TCEA3: variants seen among roughly 807,000 people sequenced by gnomAD.
TCEA3 encodes transcription elongation factor A protein 3.
A neutral mutation model predicts 44.0 loss-of-function variants in TCEA3; 36 were observed. The observed-to-expected ratio is 0.82, with a 90% CI of 0.63 to 1.08. TCEA3 has a LOEUF of 1.08. TCEA3 is among the 50% of genes least tolerant of loss of function. The pLI, the probability that TCEA3 is intolerant of heterozygous loss-of-function variation, is 0.00. For missense variants in TCEA3, 392 were observed against 441.2 expected, an observed-to-expected ratio of 0.89 and a Z score of 1.00; for synonymous variants, 162 against 159.7, an observed-to-expected ratio of 1.01 and a Z score of -0.11.
chr1:23,383,343 C>T (rs931644260), intron 10 of TCEA3: 37 of 868,006 alleles, frequency 4.3e-5, no homozygotes, highest in Non-Finnish European at 5.1e-5. Flanking sequence ...TTTCAGTGCT[C>T]CAAACTGTGG....
intron 7 of TCEA3, among the ~76,000 whole-genome samples, chr1:23,395,049 C>A (rs1639175038): frequency 6.6e-6 from 1 of 152,156 alleles, no homozygotes; most frequent in African/African-American, 2.4e-5. Flanking sequence ...AAAGAGACTG[C>A]GGAGAATGTG....
chr1:23,393,546 C>T (rs775219929), intron 8 of TCEA3, among the ~76,000 whole-genome samples: 5 of 152,152 alleles, frequency 3.3e-5, no homozygotes, highest in African/African-American at 9.7e-5. Context: ...CTCCTGGCTC[C>T]GACTCTTTCT....
At chr1:23,385,850 G>A (rs1638820376) in intron 9 of TCEA3, among the ~76,000 whole-genome samples, 1 of 152,202 alleles carries the variant, frequency 6.6e-6, no homozygotes, top group South Asian at 2.1e-4. Flanking sequence ...TAGCTGGATT[G>A]CAGGCAGAAT....
intron 5 of TCEA3, among the ~76,000 whole-genome samples, chr1:23,399,136 GTATATATGTATATATATATATATATATA>G (rs975783637): frequency 5.1e-5 from 3 of 58,688 alleles, no homozygotes; most frequent in Non-Finnish European, 1.5e-4. Context: ...TTATATATAT[GTATATATGTATATATATATATATATATA>G]TATATATATA....
chr1:23,409,701 A>G (rs756259733), intron 4 of TCEA3, among the ~76,000 whole-genome samples: 7 of 151,828 alleles, frequency 4.6e-5, no homozygotes, highest in Non-Finnish European at 8.8e-5. Context: ...GGCGTGTGCC[A>G]CCATGCCTAG....
At chr1:23,397,022 A>G (rs1168713471) in intron 7 of TCEA3, among the ~76,000 whole-genome samples, 3 of 151,912 alleles carry the variant, frequency 2.0e-5, no homozygotes, top group African/African-American at 7.3e-5. Flanking sequence ...AAAAAAAAAA[A>G]AAAAAGGGCG....
At chr1:23,388,603 T>C (rs1408031249) in intron 8 of TCEA3, among the ~76,000 whole-genome samples, 1 of 152,166 alleles carries the variant, frequency 6.6e-6, no homozygotes, top group Non-Finnish European at 1.5e-5. Flanking sequence ...TATAACCACT[T>C]AGGCTTCTTG....
At chr1:23,402,475 C>T (rs533639073) in intron 5 of TCEA3, among the ~76,000 whole-genome samples, 41 of 152,324 alleles carry the variant, frequency 2.7e-4, no homozygotes, top group African/African-American at 8.9e-4. Flanking sequence ...CACAGCACTG[C>T]TTCTTTCTGT....
chr1:23,420,826 C>A (rs543436252), intron 1 of TCEA3, among the ~76,000 whole-genome samples: 3 of 152,174 alleles, frequency 2.0e-5, no homozygotes, highest in African/African-American at 7.2e-5. Context: ...AGCTGCCAGG[C>A]CCTGGACACC....
intron 5 of TCEA3, chr1:23,403,986 G>T: frequency 1.6e-6 from 1 of 635,134 alleles, no homozygotes. Context: ...CATCGGCCGG[G>T]GTGGGAGGTT....
At chr1:23,402,974 C>T (rs377702288) in intron 5 of TCEA3, among the ~76,000 whole-genome samples, 4 of 152,126 alleles carry the variant, frequency 2.6e-5, no homozygotes, top group Admixed American at 6.5e-5. Flanking sequence ...GACAGTGGCC[C>T]CACTCTCTGG....
At chr1:23,403,526 A>T (rs1435572238) in intron 5 of TCEA3, 1 of 152,574 alleles carries the variant, frequency 6.6e-6, no homozygotes, top group Non-Finnish European at 1.5e-5. Flanking sequence ...TGGTTTGGGA[A>T]CAGTGCTGGG....
chr1:23,406,722 T>C (rs960030292), intron 5 of TCEA3, among the ~76,000 whole-genome samples: 4 of 152,126 alleles, frequency 2.6e-5, no homozygotes, highest in Non-Finnish European at 5.9e-5. Flanking sequence ...TCTCAGCTCA[T>C]GGCAACCTCC....
intron 1 of TCEA3, among the ~76,000 whole-genome samples, chr1:23,422,824 G>C (rs948714327): frequency 2.6e-5 from 4 of 152,182 alleles, no homozygotes; most frequent in African/African-American, 9.7e-5. Flanking sequence ...GGAAGGTTGA[G>C]TGGCTTTTGC....
chr1:23,406,914 A>AG (rs1639561064), intron 5 of TCEA3, among the ~76,000 whole-genome samples: 1 of 152,062 alleles, frequency 6.6e-6, no homozygotes, highest in African/African-American at 2.4e-5. Context: ...GAGCCACCGC[A>AG]CCTGGCCTTG....
intron 7 of TCEA3, 133 bp downstream of exon 7, chr1:23,397,412 T>C: frequency 2.7e-6 from 2 of 748,444 alleles, no homozygotes; most frequent in South Asian, 1.9e-5. Context: ...TTAAGAACTC[T>C]GGTTCAGGGG....
chr1:23,385,583 A>G (rs1352244384), intron 9 of TCEA3, among the ~76,000 whole-genome samples: 1 of 152,236 alleles, frequency 6.6e-6, no homozygotes, highest in Non-Finnish European at 1.5e-5. Flanking sequence ...AGAATGCCGC[A>G]GGCAAGGTGC....
At chr1:23,416,953 G>A (rs113657354) in intron 4 of TCEA3, among the ~76,000 whole-genome samples, 3 of 152,276 alleles carry the variant, frequency 2.0e-5, no homozygotes, top group African/African-American at 2.4e-5. Flanking sequence ...CTAGACTGCC[G>A]TGCGGTCTCC....
At chr1:23,418,215 G>T in intron 2 of TCEA3, 1 of 566,064 alleles carries the variant, frequency 1.8e-6, no homozygotes. Flanking sequence ...CCAGGGCTAA[G>T]CCTGACATGG....
Sources: gnomAD v4.1 joint callset for allele counts (sites outside exome capture counted in the v4.1 genomes callset) on GRCh38, gnomAD v4.1.1 for gene constraint, MANE v1.5 for transcripts, NCBI Gene and HGNC (gene_info 2026-07-23, HGNC 2026-07-21) for gene names.